The following KIF4A variants were observed in gnomAD, a reference collection of about 807,000 sequenced individuals.
The protein encoded by KIF4A is kinesin family member 4A.
KIF4A carries 7 observed loss-of-function variants against 105.9 expected under a neutral mutation model. The ratio of observed to expected loss-of-function variants is 0.07; its 90% confidence interval spans 0.04 to 0.12. The LOEUF (loss-of-function observed/expected upper bound fraction) is 0.12, where lower values mean the gene tolerates loss of function less well. Among genes scored for constraint, KIF4A ranks in the 10% least tolerant of loss-of-function variants. KIF4A has a pLI of 1.00. For synonymous variants in KIF4A, 281 were observed against 331.3 expected (o/e 0.85, Z 1.65); for missense variants, 558 against 929.2 (o/e 0.60, Z 5.19).
At chrX:70,375,962 A>C (rs926044983) in intron 17 of KIF4A, 138 bp from the exon 18 acceptor site, 3 of 429,862 alleles carry the variant, frequency 7.0e-6, no homozygotes, top group Non-Finnish European at 1.2e-5. Flanking sequence ...TTGTAAGCCT[A>C]ATCAGGGAAT....
chrX:70,296,074 T>A (rs1162014328), intron 3 of KIF4A, among the ~76,000 whole-genome samples: 1 of 94,152 alleles, frequency 1.1e-5, no homozygotes, highest in Non-Finnish European at 2.0e-5. Context: ...CATCTTTGAA[T>A]AAATGATGCT....
chrX:70,375,091 C>A, intron 16 of KIF4A, 113 bp from the exon 17 acceptor site: 1 of 823,269 alleles, frequency 1.2e-6, no homozygotes, highest in Non-Finnish European at 1.7e-6. Flanking sequence ...GGCTATGTGA[C>A]TAGTCACCTA....
chrX:70,386,958 T>C (rs919785475), intron 19 of KIF4A, among the ~76,000 whole-genome samples: 1 of 111,586 alleles, frequency 9.0e-6, no homozygotes, highest in Non-Finnish European at 1.9e-5. Context: ...GATATTGATA[T>C]GTGACATTTC....
chrX:70,373,815 T>C (rs77223007), intron 15 of KIF4A, among the ~76,000 whole-genome samples: 17 of 60,739 alleles, frequency 2.8e-4, no homozygotes, highest in Non-Finnish European at 5.2e-4. Context: ...TATATATATA[T>C]ACACACACAT....
Position 70,343,921 on chromosome X carries a change from A to G in KIF4A, c.1370A>G (p.Gln457Arg), listed in dbSNP as rs1239834730. The change falls in exon 13 of 31, where the codon CAG becomes CGG. Residue 457 changes from glutamine to arginine, a missense_variant. By Grantham distance (43) the Gln-to-Arg change is conservative (BLOSUM62 1). This residue lies in a region of KIF4A where 469 missense variants were observed against 680.4 expected (regional missense o/e 0.69). Coordinates refer to ENST00000374403, the MANE Select transcript of KIF4A (RefSeq NM_012310.5). ...AAGCTAGTGGAGACTTTGGAAGACCAGGAATTGAAAGAAAATGTAGAGATA... is the reference window on the plus strand; with the variant it reads ...AAGCTAGTGGAGACTTTGGAAGACCGGGAATTGAAAGAAAATGTAGAGATA... ...LQKLVETLED[Q>R]ELKENVEIIC... is the part of the protein sequence containing the mutation. 4.1e-6 allele frequency: 5 copies of G among 1,209,670 alleles called. No homozygotes were observed. The Admixed American group carries it at 8.7e-5, about 21-fold the overall frequency.
intron 7 of KIF4A, among the ~76,000 whole-genome samples, chrX:70,324,851 G>A (rs1400334955): frequency 2.7e-5 from 3 of 111,298 alleles, no homozygotes; most frequent in Non-Finnish European, 5.6e-5. Context: ...GTGTGATCAC[G>A]GCTCACTGCA....
Position 70,387,240 on chromosome X carries a change from A to T in KIF4A, c.2175A>T (p.Ala725=), listed in dbSNP as rs758797772. 63 of 1,189,205 alleles carry T rather than the reference A, an allele frequency of 5.3e-5. No individual in the cohort carries two copies. Among genetic ancestry groups the T allele is most frequent in the Non-Finnish European group, 6.9e-5 (61 of 884,795 alleles). ...KDALQKQREV[A]DKRKETQSRG... Reference sequence around the variant, plus strand: ...CTCTCCAGAAACAACGGGAGGTTGCAGATAAGCGGAAAGAGACTCAGAGCC... The same window carrying T: ...CTCTCCAGAAACAACGGGAGGTTGCTGATAAGCGGAAAGAGACTCAGAGCC... The change falls in exon 20 of 31, where the codon GCA becomes GCT. Residue 725 remains alanine, a synonymous_variant. Coordinates refer to ENST00000374403, the MANE Select transcript of KIF4A (RefSeq NM_012310.5).
intron 9 of KIF4A, among the ~76,000 whole-genome samples, chrX:70,330,809 G>A (rs951313307): frequency 8.9e-6 from 1 of 112,117 alleles, no homozygotes; most frequent in Non-Finnish European, 1.9e-5. Context: ...AGAAACATAG[G>A]TAGCAAAGTA....
At chrX:70,361,845 G>A (rs761586601) in intron 15 of KIF4A, among the ~76,000 whole-genome samples, 2 of 111,915 alleles carry the variant, frequency 1.8e-5, no homozygotes, top group South Asian at 7.7e-4. Context: ...GTTTACTGGA[G>A]AAGCAAAGGG....
intron 7 of KIF4A, among the ~76,000 whole-genome samples, chrX:70,319,040 G>A (rs900626003): frequency 1.8e-5 from 2 of 111,531 alleles, no homozygotes; most frequent in East Asian, 2.8e-4. Flanking sequence ...CGAAGCAGGC[G>A]GATCACAAGG....
intron 15 of KIF4A, among the ~76,000 whole-genome samples, chrX:70,372,516 G>A (rs900126909): frequency 1.8e-5 from 2 of 114,213 alleles, no homozygotes; most frequent in African/African-American, 3.2e-5. Context: ...GGTGGCGCGC[G>A]CCTGCAATCG....
chrX:70,356,343 G>A (rs185301449), intron 15 of KIF4A, among the ~76,000 whole-genome samples: 13 of 109,503 alleles, frequency 1.2e-4, no homozygotes, highest in Non-Finnish European at 2.5e-4. Flanking sequence ...GGGAGGCCAA[G>A]GCAGGTGGAT....
intron 20 of KIF4A, among the ~76,000 whole-genome samples, chrX:70,393,780 G>T (rs1187861581): frequency 2.0e-5 from 2 of 99,455 alleles, no homozygotes; most frequent in East Asian, 3.1e-4. Flanking sequence ...TTTAAGGTGT[G>T]TTTCTTTTCT....
intron 10 of KIF4A, among the ~76,000 whole-genome samples, chrX:70,339,874 T>C (rs2085965701): frequency 8.9e-6 from 1 of 112,408 alleles, no homozygotes; most frequent in Non-Finnish European, 1.9e-5. Flanking sequence ...AGTCTGATTT[T>C]TGCCTGGCCC....
intron 15 of KIF4A, among the ~76,000 whole-genome samples, chrX:70,363,128 G>A (rs1431061292): frequency 9.0e-6 from 1 of 111,240 alleles, no homozygotes; most frequent in Non-Finnish European, 1.9e-5. Context: ...GATTAATGAA[G>A]ATTACCATGA....
chrX:70,296,056 A>G (rs749087379), intron 3 of KIF4A, among the ~76,000 whole-genome samples: 3 of 95,945 alleles, frequency 3.1e-5, no homozygotes, highest in African/African-American at 1.1e-4. Context: ...AGTTAACTAT[A>G]TTGTGAACAT....
chrX:70,307,534 G>T (rs187971944), intron 7 of KIF4A, among the ~76,000 whole-genome samples: 1 of 111,833 alleles, frequency 8.9e-6, no homozygotes, highest in African/African-American at 3.2e-5. Flanking sequence ...TTTTGTTCCT[G>T]ATCTTAAGGG....
At chrX:70,343,485 G>A (rs1457454509) in intron 11 of KIF4A, among the ~76,000 whole-genome samples, 5 of 111,250 alleles carry the variant, frequency 4.5e-5, no homozygotes, top group African/African-American at 1.3e-4. Flanking sequence ...CTAGCTGCTC[G>A]GATGCTATTT....
chrX:70,359,032 T>C (rs937263181), intron 15 of KIF4A, among the ~76,000 whole-genome samples: 1 of 111,939 alleles, frequency 8.9e-6, no homozygotes, highest in African/African-American at 3.2e-5. Flanking sequence ...TGTGGCTCTG[T>C]GGTACATATT....
Sources: allele counts gnomAD v4.1 joint callset (sites outside exome capture counted in the v4.1 genomes callset), GRCh38; gene constraint gnomAD v4.1.1; regional missense constraint gnomAD v4.1.1; transcripts MANE v1.5; gene names NCBI Gene and HGNC (gene_info 2026-07-23, HGNC 2026-07-21).